PPP1R3B: variants seen among roughly 807,000 people sequenced by gnomAD.
The protein encoded by PPP1R3B is protein phosphatase 1 regulatory subunit 3B.
In PPP1R3B, 8 loss-of-function variants were observed where a neutral mutation model predicts 14.6. The ratio of observed to expected loss-of-function variants is 0.55; its 90% CI spans 0.32 to 0.99. PPP1R3B has a LOEUF of 0.99. Ranked by LOEUF, PPP1R3B falls within the 50% of genes least tolerant of loss-of-function variation. PPP1R3B has a pLI of 0.04. For missense variants in PPP1R3B, 452 were observed against 360.1 expected (o/e 1.26, Z -2.07); for synonymous variants, 169 against 142.0 (o/e 1.19, Z -1.35).
At position 9,141,237 on chromosome 8, in the gene PPP1R3B, C is replaced by T. The variant is rs1476651952; in HGVS notation, c.415G>A (p.Val139Met). ...QADHVCLENC[V>M]LKDKAIAGTV... ...CCTGCAATGGCCTTGTCCTTGAGCA[C>T]ACAGTTCTCAAGGCAGACGTGGTCG... The change falls in exon 2 of 2, where the codon GTG becomes ATG. Residue 139 changes from valine (V) to methionine (M), a missense_variant. By Grantham distance (21) the Val-to-Met change is conservative (BLOSUM62 1). Coordinates refer to ENST00000310455, the MANE Select transcript of PPP1R3B (RefSeq NM_024607.4). 3 of 1,614,078 alleles carry T rather than the reference C, an allele frequency of 1.9e-6. No homozygotes were observed. The highest frequency in any genetic ancestry group is 1.3e-5 in the African/African-American group (1 of 74,922).
chr8:9,142,335 A>C (rs753471240), intron 1 of PPP1R3B: 4 of 152,304 alleles, frequency 2.6e-5, no homozygotes, highest in Non-Finnish European at 4.4e-5. Flanking sequence ...GGCTCAATCC[A>C]TCCTCCTGCC....
At position 9,138,084 on chromosome 8, in the gene PPP1R3B, T is replaced by G. The variant is rs1040403034; in HGVS notation, c.*2710A>C. On this transcript the variant is annotated 3_prime_UTR_variant, in exon 2 of 2. Coordinates refer to ENST00000310455, the MANE Select transcript of PPP1R3B (RefSeq NM_024607.4). The stretch of plus-strand genomic sequence containing the variant: ...GATCCTTAGTCGGGTAACATGTCAA[T>G]GACAGTGCACTCTGTGCCTCTCCTG... The G allele has an allele frequency of 2.0e-5, 3 of 152,180 alleles. No individual in the cohort carries two copies. The highest frequency in any genetic ancestry group is 7.2e-5 in the African/African-American group (3 of 41,428). The allele number at this position is 152,180 out of a possible 1,614,324, so 9.4% of individuals were successfully genotyped here. A position where few individuals can be genotyped will look rare whatever the true frequency, so the allele number is the denominator to read the frequency against.
chr8:9,148,394 A>C (rs775313237), intron 1 of PPP1R3B, among the ~76,000 whole-genome samples: 22 of 152,182 alleles, frequency 1.4e-4, no homozygotes, highest in African/African-American at 4.1e-4. Flanking sequence ...AGGGGGAAAA[A>C]AAAAGAACCA....
chr8:9,145,992 C>A (rs1321778338), intron 1 of PPP1R3B, among the ~76,000 whole-genome samples: 1 of 152,106 alleles, frequency 6.6e-6, no homozygotes, highest in African/African-American at 2.4e-5. Context: ...GCCTCAGCCT[C>A]CAAAGTAGCT....
intron 1 of PPP1R3B, 49 bp from the exon 2 acceptor site, chr8:9,141,717 G>A (rs1801097986): frequency 1.3e-6 from 2 of 1,532,254 alleles, no homozygotes; most frequent in Non-Finnish European, 1.8e-6. Flanking sequence ...GGAGCAATCA[G>A]ATCAGACAGA....
At position 9,148,662 on chromosome 8, in the gene PPP1R3B, T is replaced by C. The variant is rs117635379; in HGVS notation, c.-18+1901A>G. Among the ~76,000 whole-genome samples, 282 of 152,304 alleles carry C rather than the reference T, an allele frequency of 1.9e-3. 6 individuals are homozygous for C. In the East Asian group the frequency reaches 0.05, roughly 27 times the overall value. ...ATGGAGATAGTTTTGCATAAATGCT[T>C]TATCTGTTCCACTCATAACACACCT... On this transcript the variant is annotated intron_variant, in intron 1 of 1. Coordinates refer to ENST00000310455, the MANE Select transcript of PPP1R3B (RefSeq NM_024607.4).
chr8:9,141,135 T>G lies in PPP1R3B; in HGVS notation c.517A>C (p.Thr173Pro). 1 of 1,614,204 alleles carries G rather than the reference T, an allele frequency of 6.2e-7. No homozygotes were observed. The highest frequency in any genetic ancestry group is 8.5e-7 in the Non-Finnish European group (1 of 1,180,042). Residue 173 changes from threonine to proline, a missense_variant, in exon 2 of 2, where the codon ACA becomes CCA. Physicochemically the swap from Thr to Pro is conservative, Grantham distance 38 (BLOSUM62 -1). Transcript: ENST00000310455. ...RMTFDTWKSY[T>P]DFPCQYVKDT... ...TTCACGTACTGACAAGGAAAGTCTG[T>G]GTAGCTCTTCCAGGTGTCGAACGTC...
intron 1 of PPP1R3B, chr8:9,145,530 G>A (rs1052021099): frequency 1.3e-5 from 2 of 152,076 alleles, no homozygotes; most frequent in East Asian, 3.8e-4. Flanking sequence ...GATGTTATTG[G>A]TAAGACTCTG....
Position 9,140,753 on chromosome 8 carries a change from T to A in PPP1R3B, c.*41A>T, listed in dbSNP as rs408773. 2 of 1,599,538 alleles carry A rather than the reference T, an allele frequency of 1.3e-6. No individual in the cohort carries two copies. Among genetic ancestry groups the A allele is most frequent in the South Asian group, 1.1e-5 (1 of 89,304 alleles). Reference sequence around the variant, plus strand: ...CACTGCACAGTGAGCAGAGCTAGGCTTGTCTGTGGCAGCTCCGCCACGCCC... The same window carrying A: ...CACTGCACAGTGAGCAGAGCTAGGCATGTCTGTGGCAGCTCCGCCACGCCC... On this transcript the variant is annotated 3_prime_UTR_variant, in exon 2 of 2. Coordinates refer to ENST00000310455, the MANE Select transcript of PPP1R3B (RefSeq NM_024607.4).
chr8:9,147,349 C>T (rs931130869), intron 1 of PPP1R3B, among the ~76,000 whole-genome samples: 1 of 152,070 alleles, frequency 6.6e-6, no homozygotes, highest in Non-Finnish European at 1.5e-5. Flanking sequence ...TATCTGGCAT[C>T]CCAGTGCCCC....
At chr8:9,150,116 G>C (rs1378560019) in intron 1 of PPP1R3B, among the ~76,000 whole-genome samples, 1 of 151,998 alleles carries the variant, frequency 6.6e-6, no homozygotes, top group African/African-American at 2.4e-5. Flanking sequence ...TTTAGTTTTG[G>C]CTCCTGGACA....
rs762229847 is a variant in PPP1R3B at position 9,141,387 on chromosome 8, G to A, written c.265C>T (p.Pro89Ser). ...TCTAGGAGCTCGGTGATGTTGAATG[G>A]CATATCTAGCGGGTCATCGAATTCC... ...FSEFDDPLDM[P>S]FNITELLDNI... The change falls in exon 2 of 2, where the codon CCA becomes TCA. Residue 89 changes from proline to serine, a missense_variant. By Grantham distance (74) the Pro-to-Ser change is moderately conservative (BLOSUM62 -1). Coordinates refer to ENST00000310455, the MANE Select transcript of PPP1R3B (RefSeq NM_024607.4). 1.1e-5 allele frequency: 17 copies of A among 1,614,098 alleles called. No homozygotes were observed. Among genetic ancestry groups the A allele is most frequent in the Non-Finnish European group, 1.4e-5 (17 of 1,180,046 alleles).
At chr8:9,145,616 T>TA (rs1801218819) in intron 1 of PPP1R3B, among the ~76,000 whole-genome samples, 1 of 152,206 alleles carries the variant, frequency 6.6e-6, no homozygotes, top group African/African-American at 2.4e-5. Context: ...GTGTGGGGGC[T>TA]AGGCTCCCCT....
Position 9,140,733 on chromosome 8 carries a change from C to T in PPP1R3B, c.*61G>A, listed in dbSNP as rs768632302. ...CCTCCCTGGCCTTCCATCTCCACTGCACAGTGAGCAGAGCTAGGCTTGTCT... is the reference window on the plus strand; with the variant it reads ...CCTCCCTGGCCTTCCATCTCCACTGTACAGTGAGCAGAGCTAGGCTTGTCT... On this transcript the variant is annotated 3_prime_UTR_variant, in exon 2 of 2. Coordinates refer to ENST00000310455, the MANE Select transcript of PPP1R3B (RefSeq NM_024607.4). 42 of 1,574,202 alleles carry T rather than the reference C, an allele frequency of 2.7e-5. No homozygotes were observed. The highest frequency in any genetic ancestry group is 3.5e-5 in the South Asian group (3 of 86,610).
Position 9,140,219 on chromosome 8 carries a change from ACATGAACTTG to A in PPP1R3B, c.*565_*574del, listed in dbSNP as rs1801026823. ...ATTGTGGAAGAACATAAAATGCAAA[ACATGAACTTG>A]CAGAAAACAAGAGCCAATCCCATTT... On this transcript the variant is annotated 3_prime_UTR_variant, in exon 2 of 2. Coordinates refer to ENST00000310455, the MANE Select transcript of PPP1R3B (RefSeq NM_024607.4). The A allele has an allele frequency of 1.3e-5, 2 of 158,160 alleles. No homozygotes were observed. The highest frequency in any genetic ancestry group is 1.2e-4 in the Admixed American group (2 of 16,824). The allele number at this position is 158,160 out of a possible 1,614,324, so 9.8% of individuals were successfully genotyped here. A position where few individuals can be genotyped will look rare whatever the true frequency, so the allele number is the denominator to read the frequency against.
Position 9,138,965 on chromosome 8 carries a change from C to G in PPP1R3B, c.*1829G>C, listed in dbSNP as rs1800981728. On this transcript the variant is annotated 3_prime_UTR_variant, in exon 2 of 2. Coordinates refer to ENST00000310455, the MANE Select transcript of PPP1R3B (RefSeq NM_024607.4). ...AGACAGTTTCACTCTGTCGCTCAGG[C>G]TGAAATGCAGTGACGTGATCTCGGC... 1.3e-5 allele frequency: 2 copies of G among 152,208 alleles called. No individual in the cohort carries two copies. Among genetic ancestry groups the G allele is most frequent in the African/African-American group, 4.8e-5 (2 of 41,440 alleles). 9.4% of individuals were successfully genotyped at this position (152,208 alleles called of 1,614,324 possible).
Position 9,150,597 on chromosome 8 carries a change from G to A in PPP1R3B, c.-52C>T. ...CGCGGAGAAGCCCCCTCCCCAGCTC[G>A]CTCGCCGCATCGGAGAGCCCGCAGG... On this transcript the variant is annotated 5_prime_UTR_variant, in exon 1 of 2. Coordinates refer to ENST00000310455, the MANE Select transcript of PPP1R3B (RefSeq NM_024607.4). 1 of 152,764 alleles carries A rather than the reference G, an allele frequency of 6.5e-6. No individual in the cohort carries two copies. The highest frequency in any genetic ancestry group is 1.5e-5 in the Non-Finnish European group (1 of 68,352). The allele number at this position is 152,764 out of a possible 1,614,324, so 9.5% of individuals were successfully genotyped here. A position where few individuals can be genotyped will look rare whatever the true frequency, so the allele number is the denominator to read the frequency against.
At chr8:9,141,728 T>G in intron 1 of PPP1R3B, 60 bp from the exon 2 acceptor site, 1 of 1,485,012 alleles carries the variant, frequency 6.7e-7, no homozygotes, top group Non-Finnish European at 9.1e-7. Context: ...ATCAGACAGA[T>G]GTGTAAAGGC....
chr8:9,146,743 TG>T (rs1000238437), intron 1 of PPP1R3B, among the ~76,000 whole-genome samples: 2 of 152,218 alleles, frequency 1.3e-5, no homozygotes, highest in Non-Finnish European at 2.9e-5. Context: ...AGGGCAAATT[TG>T]CTTTCAATGA....
Sources: gnomAD v4.1 joint callset for allele counts (sites outside exome capture counted in the v4.1 genomes callset) on GRCh38, gnomAD v4.1.1 for gene constraint, MANE v1.5 for transcripts, NCBI Gene and HGNC (gene_info 2026-07-23, HGNC 2026-07-21) for gene names.